The following EDARADD variants were observed in gnomAD, a reference collection of about 807,000 sequenced individuals.
EDARADD encodes EDAR associated via death domain, also known as ectodysplasin-A receptor-associated adapter protein.
A neutral mutation model predicts 25.6 loss-of-function variants in EDARADD; 20 were observed. The ratio of observed to expected loss-of-function variants is 0.78; its 90% CI spans 0.55 to 1.14. EDARADD has a LOEUF of 1.14. EDARADD is among the 50% of genes most tolerant of loss of function. The pLI, the probability that EDARADD is intolerant of heterozygous loss-of-function variation, is 0.00. For synonymous variants in EDARADD, 86 were observed against 94.4 expected, an observed-to-expected ratio of 0.91 and a Z score of 0.52; for missense variants, 225 against 270.1, an observed-to-expected ratio of 0.83 and a Z score of 1.17.
intron 2 of EDARADD, among the ~76,000 whole-genome samples, chr1:236,411,547 C>CT (rs376379766): frequency 0.091 from 13,106 of 144,160 alleles, 697 homozygotes; most frequent in Middle Eastern, 0.14. Context: ...TCTTCTTCTT[C>CT]TTTTTTTTTT....
chr1:236,421,749 C>A (rs1023920664), intron 3 of EDARADD, among the ~76,000 whole-genome samples: 6 of 152,152 alleles, frequency 3.9e-5, no homozygotes, highest in African/African-American at 1.4e-4. Context: ...AGGTGATCTA[C>A]CCGCATTGGC....
At chr1:236,472,455 C>T (rs1659384171) in intron 5 of EDARADD, among the ~76,000 whole-genome samples, 1 of 151,986 alleles carries the variant, frequency 6.6e-6, no homozygotes. Flanking sequence ...TGTAAATTTC[C>T]CTGGGGGTTT....
At chr1:236,355,717 C>G (rs948327856) in intron 3 of EDARADD, among the ~76,000 whole-genome samples, 15 of 151,672 alleles carry the variant, frequency 9.9e-5, no homozygotes, top group Admixed American at 8.6e-4. Flanking sequence ...ACCATGTTGG[C>G]CAGGCTGGTC....
intron 1 of EDARADD, among the ~76,000 whole-genome samples, chr1:236,401,654 A>G (rs1376835239): frequency 6.6e-6 from 1 of 152,192 alleles, no homozygotes; most frequent in Non-Finnish European, 1.5e-5. Context: ...TGGAATGATT[A>G]ACGCTTTTGG....
At chr1:236,475,006 A>C (rs1424672644) in intron 5 of EDARADD, among the ~76,000 whole-genome samples, 1 of 151,998 alleles carries the variant, frequency 6.6e-6, no homozygotes, top group Admixed American at 6.6e-5. Context: ...GGTGGCAGAC[A>C]CCTGTAATCC....
chr1:236,352,640 G>T (rs995277285), intron 3 of EDARADD, among the ~76,000 whole-genome samples: 18 of 152,186 alleles, frequency 1.2e-4, no homozygotes, highest in Non-Finnish European at 1.9e-4. Flanking sequence ...TCGAGGTCAG[G>T]AGTTCAAGAC....
At chr1:236,448,633 G>A (rs1410775298) in intron 4 of EDARADD, among the ~76,000 whole-genome samples, 1 of 152,168 alleles carries the variant, frequency 6.6e-6, no homozygotes, top group African/African-American at 2.4e-5. Context: ...AAACTCTGAT[G>A]AAAGAAATCA....
intron 4 of EDARADD, among the ~76,000 whole-genome samples, chr1:236,437,800 G>T (rs1329353745): frequency 1.8e-4 from 25 of 142,604 alleles, no homozygotes; most frequent in Non-Finnish European, 3.6e-4. Flanking sequence ...AGAGTGCAAT[G>T]GCGTGATCTC....
chr1:236,378,106 A>AC (rs1285538512), intron 3 of EDARADD, among the ~76,000 whole-genome samples: 4 of 151,328 alleles, frequency 2.6e-5, no homozygotes, highest in Non-Finnish European at 5.9e-5. Context: ...AGTCCCACCC[A>AC]CCCCCCTTTA....
intron 4 of EDARADD, among the ~76,000 whole-genome samples, chr1:236,431,077 T>C (rs1215026620): frequency 6.6e-6 from 1 of 152,160 alleles, no homozygotes; most frequent in African/African-American, 2.4e-5. Flanking sequence ...ATTGTGCCAC[T>C]GCACTCCAGC....
chr1:236,450,101 C>A (rs1330649258), intron 4 of EDARADD, among the ~76,000 whole-genome samples: 7 of 140,960 alleles, frequency 5.0e-5, no homozygotes, highest in African/African-American at 1.3e-4. Context: ...ACTCTGTCTC[C>A]AAAAAAAAAA....
intron 4 of EDARADD, among the ~76,000 whole-genome samples, chr1:236,464,135 C>T (rs1659116103): frequency 1.3e-5 from 2 of 152,204 alleles, no homozygotes; most frequent in Admixed American, 1.3e-4. Flanking sequence ...TCACTGCCCA[C>T]CTGGTATCAG....
intron 4 of EDARADD, among the ~76,000 whole-genome samples, chr1:236,443,010 G>A (rs1658442722): frequency 6.6e-6 from 1 of 152,116 alleles, no homozygotes; most frequent in Non-Finnish European, 1.5e-5. Flanking sequence ...ATGGGCTTAT[G>A]GATTAATGAG....
intron 2 of EDARADD, among the ~76,000 whole-genome samples, chr1:236,349,838 G>A (rs1334674051): frequency 6.6e-6 from 1 of 152,136 alleles, no homozygotes; most frequent in East Asian, 1.9e-4. Flanking sequence ...GGTGGCAGGC[G>A]CGGTGGCTCA....
rs71559949 is a variant in EDARADD, at chr1:236,381,801, CTTTTTTTT to C, written c.-5-27398_-5-27391del. 5.1e-3 allele frequency among the ~76,000 whole-genome samples: 213 copies of C among 42,076 alleles called. 2 individuals are homozygous for C. The highest frequency in any genetic ancestry group is 0.019 in the African/African-American group (183 of 9,502). The allele number at this position is 42,076 out of a possible 152,430, so 27.6% of individuals were successfully genotyped here. A position where few individuals can be genotyped will look rare whatever the true frequency, so the allele number is the denominator to read the frequency against. On this transcript the variant is annotated intron_variant, in intron 3 of 7. Transcript: ENST00000439430. ...CTTTTTTTTTTTCTTCCTGTGGTTG[CTTTTTTTT>C]TTTTTTTTTTTTTTTTCAGAGTTGG...
At chr1:236,390,276 C>T (rs1667405915), upstream of EDARADD, among the ~76,000 whole-genome samples, 1 of 152,156 alleles carries the variant, frequency 6.6e-6, no homozygotes, top group Non-Finnish European at 1.5e-5. Flanking sequence ...TTACTCATGG[C>T]CGGGCGTGGT....
chr1:236,357,945 TCA>T (rs1667000312), intron 3 of EDARADD, among the ~76,000 whole-genome samples: 1 of 151,908 alleles, frequency 6.6e-6, no homozygotes, highest in Non-Finnish European at 1.5e-5. Context: ...TGACCTCGGC[TCA>T]CTGCAACCTC....
intron 4 of EDARADD, among the ~76,000 whole-genome samples, chr1:236,464,755 G>A (rs1382250567): frequency 6.6e-6 from 1 of 151,954 alleles, no homozygotes; most frequent in African/African-American, 2.4e-5. Context: ...TTTTGACACT[G>A]CTCCCCCTGC....
chr1:236,455,826 G>A (rs1416349898), intron 4 of EDARADD, among the ~76,000 whole-genome samples: 1 of 152,196 alleles, frequency 6.6e-6, no homozygotes, highest in Admixed American at 6.5e-5. Flanking sequence ...GTCTCGCTCT[G>A]TCACCCAGGC....
Sources: gnomAD v4.1 joint callset for allele counts (sites outside exome capture counted in the v4.1 genomes callset) on GRCh38, gnomAD v4.1.1 for gene constraint, MANE v1.5 for transcripts, NCBI Gene and HGNC (gene_info 2026-07-23, HGNC 2026-07-21) for gene names.